TRMT1L: variants seen among roughly 807,000 people sequenced by gnomAD.
TRMT1L encodes tRNA methyltransferase 1L, also known as tRNA (guanine(27)-N(2))-dimethyltransferase.
In TRMT1L, 28 loss-of-function variants were observed where a neutral mutation model predicts 81.6. That is an observed-to-expected ratio of 0.34 (90% CI 0.25 to 0.47). TRMT1L has a LOEUF of 0.47. Among genes scored for constraint, TRMT1L ranks in the 20% least tolerant of loss-of-function variants. The pLI, the probability that TRMT1L is intolerant of heterozygous loss-of-function variation, is 1.00. For missense variants in TRMT1L, 739 were observed against 877.1 expected (o/e 0.84, Z 1.99); for synonymous variants, 301 against 303.2 (o/e 0.99, Z 0.07).
At chr1:185,134,481 C>T (rs920585376) in intron 10 of TRMT1L, among the ~76,000 whole-genome samples, 1 of 152,230 alleles carries the variant, frequency 6.6e-6, no homozygotes, top group African/African-American at 2.4e-5. Flanking sequence ...GCCACCGTGC[C>T]CAGCTATTTG....
At chr1:185,157,016 G>C (rs1475890084), upstream of TRMT1L, 1 of 385,474 alleles carries the variant, frequency 2.6e-6, no homozygotes. Flanking sequence ...AAGAGGGTTC[G>C]GTTTCTACGG....
At chr1:185,156,416 C>T (rs149214857) in intron 1 of TRMT1L, 62 bp downstream of exon 1, 1,158 of 1,613,032 alleles carry the variant, frequency 7.2e-4, no homozygotes, top group Non-Finnish European at 9.3e-4. Flanking sequence ...GCCTCCCCTA[C>T]TTCCCAGCAA....
chr1:185,145,715 T>C (rs1653171204), intron 4 of TRMT1L, 147 bp from the exon 5 acceptor site: 3 of 669,980 alleles, frequency 4.5e-6, no homozygotes, highest in Admixed American at 5.9e-5. Context: ...GTATCTTAAC[T>C]TCCTTACCTG....
intron 10 of TRMT1L, among the ~76,000 whole-genome samples, chr1:185,131,009 AT>A (rs941368493): frequency 4.7e-5 from 7 of 148,726 alleles, no homozygotes; most frequent in Admixed American, 6.7e-5. Context: ...TTTTATTTTT[AT>A]TTTTTTTTTG....
At chr1:185,122,729 G>A (rs922216689) in intron 13 of TRMT1L, among the ~76,000 whole-genome samples, 1 of 143,814 alleles carries the variant, frequency 7.0e-6, no homozygotes, top group Non-Finnish European at 1.5e-5. Context: ...CTGTCACCCA[G>A]GCTGGAGTGC....
intron 1 of TRMT1L, 86 bp downstream of exon 1, chr1:185,156,392 C>T: frequency 2.5e-6 from 4 of 1,612,158 alleles, no homozygotes; most frequent in Non-Finnish European, 2.5e-6. Flanking sequence ...CCATAAAAAC[C>T]ATCCCGGTGA....
At chr1:185,157,026 G>T (rs2102270364), upstream of TRMT1L, 1 of 352,654 alleles carries the variant, frequency 2.8e-6, no homozygotes, top group Middle Eastern at 7.9e-4. Flanking sequence ...GGTTTCTACG[G>T]TGCGTCTCCG....
At chr1:185,155,714 A>T (rs780243007) in intron 1 of TRMT1L, among the ~76,000 whole-genome samples, 1 of 152,242 alleles carries the variant, frequency 6.6e-6, no homozygotes, top group Non-Finnish European at 1.5e-5. Context: ...ATGTTAGAAG[A>T]TCCTTAAGAA....
intron 11 of TRMT1L, among the ~76,000 whole-genome samples, chr1:185,127,422 T>C (rs1318706305): frequency 6.6e-6 from 1 of 152,156 alleles, no homozygotes; most frequent in Non-Finnish European, 1.5e-5. Flanking sequence ...GAGAAGAAAT[T>C]TGCAATTCTT....
intron 11 of TRMT1L, 107 bp from the exon 12 acceptor site, chr1:185,125,217 C>T (rs1369955504): frequency 3.2e-6 from 2 of 628,430 alleles, no homozygotes; most frequent in African/African-American, 3.8e-5. Context: ...AATTATATGA[C>T]AGAGTAATAC....
chr1:185,122,576 A>C (rs1321120746), intron 13 of TRMT1L, among the ~76,000 whole-genome samples: 1 of 151,428 alleles, frequency 6.6e-6, no homozygotes, highest in Non-Finnish European at 1.5e-5. Context: ...AAGCTTATTT[A>C]TGTTTTACTT....
intron 7 of TRMT1L, among the ~76,000 whole-genome samples, chr1:185,140,766 C>T (rs1032721752): frequency 2.0e-5 from 3 of 151,292 alleles, no homozygotes; most frequent in Non-Finnish European, 2.9e-5. Context: ...ATCACTTGAG[C>T]CCAGGAGTTT....
chr1:185,121,073 C>T (rs1328123409), intron 13 of TRMT1L, among the ~76,000 whole-genome samples: 1 of 152,168 alleles, frequency 6.6e-6, no homozygotes, highest in Admixed American at 6.6e-5. Flanking sequence ...GTTATGATCT[C>T]ATTGCCTATT....
In TRMT1L at chr1:185,143,344, T is replaced by G. The variant is rs749126657; in HGVS notation, c.859+13A>C. 6.3e-7 allele frequency: 1 copy of G among 1,583,514 alleles called. No homozygotes were observed. Among genetic ancestry groups the G allele is most frequent in the Non-Finnish European group, 8.6e-7 (1 of 1,167,224 alleles). ...TAAATAAAATGGGGTTCCAAAAAAG[T>G]GTCCTCACTTACCAGTGGCTCCAAA... On this transcript the variant is annotated intron_variant, in intron 7 of 14. Coordinates refer to ENST00000367506, the MANE Select transcript of TRMT1L (RefSeq NM_030934.5).
At chr1:185,150,976 ATGG>A (rs574533206) in intron 2 of TRMT1L, among the ~76,000 whole-genome samples, 125 of 152,352 alleles carry the variant, frequency 8.2e-4, no homozygotes, top group African/African-American at 3.0e-3. Context: ...GAAGGAATAG[ATGG>A]GATTTGATAT....
intron 10 of TRMT1L, among the ~76,000 whole-genome samples, 170 bp from the exon 11 acceptor site, chr1:185,128,917 C>T (rs1003898073): frequency 4.0e-5 from 6 of 151,778 alleles, no homozygotes; most frequent in South Asian, 2.1e-4. Flanking sequence ...CATATGTATA[C>T]GTATATATGT....
chr1:185,151,869 T>C lies in TRMT1L; in HGVS notation c.302A>G (p.Asn101Ser), dbSNP rs1653359894. ...LENLAFVTDG[N>S]FDSASSLNSD... is the part of the protein sequence containing the mutation. ...GTTCAATGAGCTGGCAGAGTCAAAA[T>C]TTCCATCAGTTACAAAAGCTAAATT... is the stretch of plus-strand genomic sequence containing the variant. The change falls in exon 2 of 15, where the codon AAT (asparagine) becomes AGT (serine). Residue 101 changes from asparagine to serine, a missense_variant. Physicochemically the swap from Asn to Ser is conservative, Grantham distance 46. Transcript: ENST00000367506. 6.2e-7 allele frequency: 1 copy of C among 1,604,948 alleles called. No individual in the cohort carries two copies. The highest frequency in any genetic ancestry group is 2.3e-5 in the East Asian group (1 of 44,154).
intron 3 of TRMT1L, among the ~76,000 whole-genome samples, chr1:185,148,377 T>C (rs1025686765): frequency 1.3e-5 from 2 of 152,182 alleles, no homozygotes; most frequent in Admixed American, 6.5e-5. Flanking sequence ...ACTCCATTTC[T>C]CTACTTGCTC....
chr1:185,136,955 A>G (rs1415210738), intron 10 of TRMT1L, among the ~76,000 whole-genome samples: 1 of 152,186 alleles, frequency 6.6e-6, no homozygotes, highest in East Asian at 1.9e-4. Flanking sequence ...AGACTACATA[A>G]ACATTCAATT....
Sources: allele counts gnomAD v4.1 joint callset (sites outside exome capture counted in the v4.1 genomes callset), GRCh38; gene constraint gnomAD v4.1.1; transcripts MANE v1.5; gene names NCBI Gene and HGNC (gene_info 2026-07-23, HGNC 2026-07-21).